Variants in SCFD2 observed in about 807,000 individuals in gnomAD.
SCFD2 encodes sec1 family domain containing 2, also known as sec1 family domain-containing protein 2.
Under a neutral mutation model 58.9 loss-of-function variants are expected in SCFD2, and 54 were observed. The ratio of observed to expected loss-of-function variants is 0.92; its 90% CI spans 0.74 to 1.15. The LOEUF is 1.15. Among genes scored for constraint, SCFD2 ranks in the 50% most tolerant of loss-of-function variants. The pLI is 0.00. For synonymous variants in SCFD2, 321 were observed against 335.9 expected, an observed-to-expected ratio of 0.96 and a Z score of 0.49; for missense variants, 805 against 836.6, an observed-to-expected ratio of 0.96 and a Z score of 0.47.
intron 5 of SCFD2, among the ~76,000 whole-genome samples, chr4:53,085,546 T>A (rs1013870897): frequency 6.6e-6 from 1 of 152,118 alleles, no homozygotes; most frequent in African/African-American, 2.4e-5. Flanking sequence ...CTAAAACTTA[T>A]ATGAAACCAC....
chr4:53,020,410 T>C (rs1161313593), intron 5 of SCFD2, among the ~76,000 whole-genome samples: 2 of 152,196 alleles, frequency 1.3e-5, no homozygotes, highest in African/African-American at 2.4e-5. Context: ...AGTTGTTTTT[T>C]AGAAATAATT....
At chr4:53,023,983 T>G (rs1722409642) in intron 5 of SCFD2, among the ~76,000 whole-genome samples, 1 of 152,044 alleles carries the variant, frequency 6.6e-6, no homozygotes, top group South Asian at 2.1e-4. Flanking sequence ...CAAGCCAGAG[T>G]TCTAGAGACA....
intron 5 of SCFD2, among the ~76,000 whole-genome samples, chr4:52,989,623 T>C (rs1461869769): frequency 6.6e-6 from 1 of 152,216 alleles, no homozygotes; most frequent in Non-Finnish European, 1.5e-5. Flanking sequence ...TTTGCTCCCT[T>C]GTTTACATAA....
chr4:52,986,923 A>C (rs1721509503), intron 5 of SCFD2, among the ~76,000 whole-genome samples: 1 of 152,216 alleles, frequency 6.6e-6, no homozygotes, highest in African/African-American at 2.4e-5. Context: ...GAACATTTTT[A>C]TCTATAAAAT....
rs186255152 is a variant in SCFD2 at position 53,130,238 on chromosome 4, C to T, written c.1561+15095G>A. On this transcript the variant is annotated intron_variant, in intron 5 of 8. Transcript: ENST00000401642. The stretch of plus-strand genomic sequence containing the variant: ...CATAAAGAGAGATGTTTTTAAGACA[C>T]TGTTTTTAGGTTTTTAAGACACTAG... Among the ~76,000 whole-genome samples the T allele has an allele frequency of 2.6e-3, 400 of 152,146 alleles. 5 individuals are homozygous for T. Among genetic ancestry groups the T allele is most frequent in the Non-Finnish European group, 9.3e-4 (63 of 67,994 alleles).
In SCFD2 at chr4:53,365,999, CG is replaced by C; in HGVS notation, c.-59del. ...TGCAGGAACTTCTTTCAGAACTCAC[CG>C]CTTCCGGAAATTGGGCTCCGGGAGA... On this transcript the variant is annotated 5_prime_UTR_variant, in exon 1 of 9. Coordinates refer to ENST00000401642, the MANE Select transcript of SCFD2 (RefSeq NM_152540.4). This position sits in a 1 kb window ranked among gnomAD's most constrained non-coding sequence, Gnocchi z 4.3. The C allele has an allele frequency of 6.7e-7, 1 of 1,498,864 alleles. No homozygotes were observed. The highest frequency in any genetic ancestry group is 8.8e-7 in the Non-Finnish European group (1 of 1,131,002). The allele number at this position is 1,498,864 out of a possible 1,614,324, so 92.8% of individuals were successfully genotyped here. A position where few individuals can be genotyped will look rare whatever the true frequency, so the allele number is the denominator to read the frequency against.
chr4:53,302,048 G>C (rs1177407199), intron 3 of SCFD2, among the ~76,000 whole-genome samples: 2 of 152,112 alleles, frequency 1.3e-5, no homozygotes, highest in Non-Finnish European at 2.9e-5. Context: ...GCACAAGACA[G>C]GGATGCCCTC....
intron 5 of SCFD2, 103 bp from the exon 6 acceptor site, chr4:52,920,973 T>G: frequency 2.3e-6 from 1 of 442,498 alleles, no homozygotes. Context: ...TTTTTTTTCT[T>G]TATTATTATT....
intron 7 of SCFD2, among the ~76,000 whole-genome samples, chr4:52,900,362 T>A (rs1314526130): frequency 6.6e-6 from 1 of 152,252 alleles, no homozygotes; most frequent in Non-Finnish European, 1.5e-5. Flanking sequence ...TAGTTTTCCT[T>A]CTAACAGTCA....
chr4:53,141,008 C>T (rs1211381474), intron 5 of SCFD2, among the ~76,000 whole-genome samples: 2 of 152,146 alleles, frequency 1.3e-5, no homozygotes, highest in Non-Finnish European at 2.9e-5. Context: ...CTCCCTAATC[C>T]TTAATGTTGA....
intron 4 of SCFD2, among the ~76,000 whole-genome samples, chr4:53,217,054 CT>C (rs964537138): frequency 5.9e-5 from 9 of 152,128 alleles, no homozygotes; most frequent in African/African-American, 2.2e-4. Context: ...CTGAGGAGTG[CT>C]TTACTTCCAG....
chr4:53,005,343 T>C (rs1275265711), intron 5 of SCFD2, among the ~76,000 whole-genome samples: 1 of 152,194 alleles, frequency 6.6e-6, no homozygotes, highest in Non-Finnish European at 1.5e-5. Context: ...CCACTGCTGA[T>C]CTCTGCTGAT....
intron 5 of SCFD2, among the ~76,000 whole-genome samples, chr4:53,032,258 C>T (rs1722633435): frequency 6.6e-6 from 1 of 152,140 alleles, no homozygotes; most frequent in Admixed American, 6.5e-5. Context: ...TTGTCACCAC[C>T]AGGCATGCCT....
chr4:52,885,705 C>T (rs373397684), intron 8 of SCFD2, 42 bp downstream of exon 8: 22 of 1,610,636 alleles, frequency 1.4e-5, no homozygotes, highest in Non-Finnish European at 1.8e-5. Flanking sequence ...CCTTCACACC[C>T]CTACTTCTGA....
intron 5 of SCFD2, among the ~76,000 whole-genome samples, chr4:53,002,455 C>T (rs1371506192): frequency 3.3e-5 from 5 of 152,094 alleles, no homozygotes; most frequent in Admixed American, 3.3e-4. Flanking sequence ...AGCAGCCTTG[C>T]TTAATATCAC....
At chr4:53,203,585 C>T (rs1324232115) in intron 4 of SCFD2, among the ~76,000 whole-genome samples, 1 of 151,684 alleles carries the variant, frequency 6.6e-6, no homozygotes, top group Non-Finnish European at 1.5e-5. Context: ...ATAAAATAAA[C>T]TTGAAGGAGA....
In SCFD2 at chr4:53,348,439, T is replaced by C. The variant is rs1734121876; in HGVS notation, c.1007+4159A>G. On this transcript the variant is annotated intron_variant, in intron 2 of 8. Coordinates refer to ENST00000401642, the MANE Select transcript of SCFD2 (RefSeq NM_152540.4). ...GTAGTTATTATTGTTTTGATAGACA[T>C]ATAAATTGTGCTAGGAAAGTTGTGA... 4.6e-5 allele frequency among the ~76,000 whole-genome samples: 7 copies of C among 152,238 alleles called. No individual in the cohort carries two copies. In the South Asian group the frequency reaches 1.4e-3, roughly 31 times the overall value.
chr4:53,323,871 G>T (rs1386149606), intron 2 of SCFD2, among the ~76,000 whole-genome samples: 1 of 151,946 alleles, frequency 6.6e-6, no homozygotes. Context: ...AAGGCTCCAG[G>T]CCTAAGGAAC....
chr4:53,241,838 C>T (rs1304230882), intron 4 of SCFD2, among the ~76,000 whole-genome samples: 1 of 152,206 alleles, frequency 6.6e-6, no homozygotes, highest in Non-Finnish European at 1.5e-5. Context: ...GCACCCCACC[C>T]CTGTGCCAAC....
Sources: gnomAD v4.1 joint callset for allele counts (sites outside exome capture counted in the v4.1 genomes callset) on GRCh38, gnomAD v4.1.1 for gene constraint, Gnocchi (gnomAD v3.1) non-coding constraint, MANE v1.5 for transcripts, NCBI Gene and HGNC (gene_info 2026-07-23, HGNC 2026-07-21) for gene names.